Variants in ADGRD1 observed in about 807,000 individuals in gnomAD.
The protein encoded by ADGRD1 is adhesion G protein-coupled receptor D1, also known as G-protein coupled receptor 133.
In ADGRD1, 77 loss-of-function variants were observed where a neutral mutation model predicts 113.4. The ratio of observed to expected loss-of-function variants is 0.68; its 90% confidence interval spans 0.57 to 0.82. ADGRD1 has a LOEUF of 0.82. Among genes scored for constraint, ADGRD1 ranks in the 40% least tolerant of loss-of-function variants. The pLI is 0.00. For synonymous variants in ADGRD1, 474 were observed against 475.0 expected, an observed-to-expected ratio of 1.00 and a Z score of 0.03; for missense variants, 1,036 against 1,139.1, an observed-to-expected ratio of 0.91 and a Z score of 1.30.
At chr12:130,968,226 A>G (rs1039871552) in intron 3 of ADGRD1, 3 of 152,242 alleles carry the variant, frequency 2.0e-5, no homozygotes, top group African/African-American at 7.2e-5. Context: ...CTAAGGTGAT[A>G]TATTCACACA....
chr12:131,045,667 GA>G (rs1367531631), intron 13 of ADGRD1, among the ~76,000 whole-genome samples: 1 of 152,306 alleles, frequency 6.6e-6, no homozygotes, highest in East Asian at 1.9e-4. Flanking sequence ...GAGGCTCAGG[GA>G]AGTCACCATG....
At chr12:131,020,733 G>T (rs1483857657) in intron 13 of ADGRD1, among the ~76,000 whole-genome samples, 1 of 152,228 alleles carries the variant, frequency 6.6e-6, no homozygotes, top group African/African-American at 2.4e-5. Flanking sequence ...CAGTGCGGGG[G>T]ACCTGTGTCC....
intron 15 of ADGRD1, among the ~76,000 whole-genome samples, chr12:131,089,199 C>T (rs1452809665): frequency 2.6e-5 from 4 of 152,172 alleles, no homozygotes; most frequent in Admixed American, 1.3e-4. Flanking sequence ...GAGGGGGGAA[C>T]TGGAGAGACA....
intron 13 of ADGRD1, among the ~76,000 whole-genome samples, chr12:131,074,390 G>C (rs866721156): frequency 6.6e-6 from 1 of 152,324 alleles, no homozygotes; most frequent in Middle Eastern, 3.4e-3. Context: ...GGTTTCAGGA[G>C]GACGCTCAGG....
intron 18 of ADGRD1, among the ~76,000 whole-genome samples, chr12:131,115,189 C>G (rs548752590): frequency 6.6e-5 from 10 of 152,326 alleles, no homozygotes; most frequent in African/African-American, 2.4e-4. Context: ...ATGCACGCTA[C>G]ATGTCCATGG....
intron 20 of ADGRD1, 31 bp from the exon 21 acceptor site, chr12:131,131,694 C>T: frequency 2.1e-6 from 3 of 1,417,414 alleles, no homozygotes; most frequent in Non-Finnish European, 3.0e-6. Context: ...GCCCAGGCCC[C>T]CCTCACCTTC....
At chr12:131,124,490 T>C (rs1950694500) in intron 20 of ADGRD1, among the ~76,000 whole-genome samples, 1 of 152,212 alleles carries the variant, frequency 6.6e-6, no homozygotes, top group South Asian at 2.1e-4. Flanking sequence ...GTGTTTACAT[T>C]AGAACATCAG....
chr12:130,994,252 C>T (rs772320557), intron 8 of ADGRD1: 5 of 453,516 alleles, frequency 1.1e-5, no homozygotes, highest in South Asian at 4.7e-5. Context: ...GGCCCCGAGA[C>T]AGGGCTTGGT....
chr12:130,994,192 A>G lies in ADGRD1; in HGVS notation c.966+1800A>G, dbSNP rs529834689. 2.8e-5 allele frequency: 12 copies of G among 422,096 alleles called. No individual in the cohort carries two copies. In the East Asian group the frequency reaches 8.7e-4, roughly 31 times the overall value. The allele number at this position is 422,096 out of a possible 1,614,324, so 26.1% of individuals were successfully genotyped here. ...GGGGTGTTGGGTGGAAAGAGCGGGT[A>G]TAGACAAGCTGGAAGGTCCTTATGC... On this transcript the variant is annotated intron_variant, in intron 8 of 24. Coordinates refer to ENST00000261654, the MANE Select transcript of ADGRD1 (RefSeq NM_198827.5).
At chr12:130,989,960 C>G (rs941090) in intron 6 of ADGRD1, 120,448 of 152,270 alleles carry the variant, frequency 0.79, 49,258 homozygotes, top group East Asian at 0.95. Context: ...ACACTCAACA[C>G]GTGGGAACTG....
intron 3 of ADGRD1, chr12:130,970,324 G>T (rs892147274): frequency 2.0e-5 from 3 of 152,212 alleles, no homozygotes; most frequent in Admixed American, 2.0e-4. Flanking sequence ...CAGTCAAGCA[G>T]TCTGACTTAG....
intron 13 of ADGRD1, among the ~76,000 whole-genome samples, chr12:131,055,726 C>T (rs564157291): frequency 4.5e-4 from 68 of 152,242 alleles, no homozygotes; most frequent in Non-Finnish European, 7.5e-4. Context: ...ACAAAGCAGA[C>T]GAACAGAAAT....
chr12:131,126,148 G>C (rs1265976870), intron 20 of ADGRD1, among the ~76,000 whole-genome samples: 2 of 152,186 alleles, frequency 1.3e-5, no homozygotes, highest in Admixed American at 1.3e-4. Context: ...CGACAGGTTC[G>C]GAGAGGTGGA....
intron 13 of ADGRD1, among the ~76,000 whole-genome samples, chr12:131,069,025 C>A (rs887869514): frequency 1.5e-4 from 23 of 152,202 alleles, no homozygotes; most frequent in Admixed American, 5.9e-4. Context: ...CTGAAAGATG[C>A]CATTAGATGG....
chr12:130,985,220 T>A (rs183639366), intron 5 of ADGRD1, among the ~76,000 whole-genome samples: 13 of 152,236 alleles, frequency 8.5e-5, no homozygotes, highest in Admixed American at 4.6e-4. Context: ...TTTGTTTTCT[T>A]ACTGTTGAAT....
chr12:130,987,541 C>T (rs1402979678), intron 6 of ADGRD1, 192 bp downstream of exon 6: 1 of 616,282 alleles, frequency 1.6e-6, no homozygotes, highest in Non-Finnish European at 2.8e-6. Flanking sequence ...TAATAATTTA[C>T]TAGAGATGCT....
At position 131,083,739 on chromosome 12, in the gene ADGRD1, C is replaced by T. The variant is rs533787214; in HGVS notation, c.1548-801C>T. 3.3e-5 allele frequency among the ~76,000 whole-genome samples: 5 copies of T among 152,332 alleles called. No individual in the cohort carries two copies. The East Asian group carries it at 9.6e-4, about 29-fold the overall frequency. ...TTTGCTTCCAGTCATTTTTGTCTGG[C>T]TTTATATTTTATAAAGTTACGCAAG... is the stretch of plus-strand genomic sequence containing the variant. On this transcript the variant is annotated intron_variant, in intron 14 of 24. Transcript: ENST00000261654.
chr12:131,017,273 CCACACACACCCAGTG>C (rs1364796492), intron 13 of ADGRD1, among the ~76,000 whole-genome samples: 2 of 144,652 alleles, frequency 1.4e-5, no homozygotes, highest in Non-Finnish European at 1.5e-5. Flanking sequence ...CACACCCAGT[CCACACACACCCAGTG>C]CACACAGTCC....
intron 14 of ADGRD1, among the ~76,000 whole-genome samples, chr12:131,082,534 C>T (rs1359067729): frequency 6.6e-6 from 1 of 152,150 alleles, no homozygotes; most frequent in African/African-American, 2.4e-5. Flanking sequence ...AGGGGCAGCT[C>T]ATACCCGTGG....
Sources: gnomAD v4.1 joint callset for allele counts (sites outside exome capture counted in the v4.1 genomes callset) on GRCh38, gnomAD v4.1.1 for gene constraint, MANE v1.5 for transcripts, NCBI Gene and HGNC (gene_info 2026-07-23, HGNC 2026-07-21) for gene names.